Variants in MAGI2 observed in about 807,000 individuals in gnomAD.
The protein encoded by MAGI2 is membrane associated guanylate kinase, WW and PDZ domain containing 2.
In MAGI2, 35 loss-of-function variants were observed where a neutral mutation model predicts 133.3. The observed-to-expected ratio is 0.26, with a 90% CI of 0.20 to 0.35. The LOEUF (loss-of-function observed/expected upper bound fraction) is 0.35. Among genes scored for constraint, MAGI2 ranks in the 10% least tolerant of loss-of-function variants. The pLI is 1.00. For synonymous variants in MAGI2, 729 were observed against 710.6 expected (o/e 1.03, Z -0.41); for missense variants, 1,636 against 1,863.4 (o/e 0.88, Z 2.25).
chr7:78,954,094 G>T (rs561166142), intron 2 of MAGI2, among the ~76,000 whole-genome samples: 1 of 151,872 alleles, frequency 6.6e-6, no homozygotes, highest in South Asian at 2.1e-4. Flanking sequence ...TTTAAGGTTC[G>T]CCTTTGTCAT....
intron 6 of MAGI2, among the ~76,000 whole-genome samples, chr7:78,444,480 G>C (rs1176947116): frequency 6.6e-6 from 1 of 151,840 alleles, no homozygotes; most frequent in Non-Finnish European, 1.5e-5. Flanking sequence ...GCTCTGGCTG[G>C]GCAGAAAAAG....
intron 21 of MAGI2, among the ~76,000 whole-genome samples, chr7:78,055,260 A>G (rs954778107): frequency 6.6e-6 from 1 of 152,236 alleles, no homozygotes; most frequent in Non-Finnish European, 1.5e-5. Flanking sequence ...GCAAAAAGAA[A>G]GCCATGATCT....
chr7:78,328,110 C>T (rs990363235), intron 9 of MAGI2, among the ~76,000 whole-genome samples: 2 of 152,150 alleles, frequency 1.3e-5, no homozygotes, highest in African/African-American at 4.8e-5. Flanking sequence ...AAACTGCCTC[C>T]ACTTGCCTCT....
intron 7 of MAGI2, 48 bp from the exon 8 acceptor site, chr7:78,346,091 T>G (rs1228715102): frequency 6.2e-7 from 1 of 1,606,584 alleles, no homozygotes; most frequent in Non-Finnish European, 8.5e-7. Flanking sequence ...CAAAGTTATT[T>G]AAAAGACCAT....
At chr7:78,268,778 T>G (rs924676227) in intron 9 of MAGI2, among the ~76,000 whole-genome samples, 1 of 152,196 alleles carries the variant, frequency 6.6e-6, no homozygotes, top group Non-Finnish European at 1.5e-5. Flanking sequence ...TATTACATAA[T>G]GTAAACATAG....
intron 2 of MAGI2, among the ~76,000 whole-genome samples, chr7:78,879,295 T>C (rs1469100763): frequency 1.3e-5 from 2 of 152,178 alleles, no homozygotes; most frequent in African/African-American, 4.8e-5. Flanking sequence ...GTGCACTACA[T>C]GGATCAGCCC....
intron 2 of MAGI2, among the ~76,000 whole-genome samples, chr7:78,984,218 C>G (rs1162810637): frequency 2.0e-5 from 3 of 152,006 alleles, no homozygotes; most frequent in African/African-American, 7.2e-5. Flanking sequence ...CCGCCATCCT[C>G]TCTGCTTACA....
chr7:78,323,717 T>TA (rs1788254189), intron 9 of MAGI2, among the ~76,000 whole-genome samples: 1 of 152,354 alleles, frequency 6.6e-6, no homozygotes, highest in Admixed American at 6.5e-5. Context: ...CTTGTAATTC[T>TA]AAAATTGTGC....
intron 1 of MAGI2, among the ~76,000 whole-genome samples, chr7:79,397,578 A>C (rs544834370): frequency 2.0e-5 from 3 of 152,260 alleles, no homozygotes; most frequent in East Asian, 3.9e-4. Flanking sequence ...AGCACTGCAT[A>C]AGTGTACTGG....
At chr7:78,503,452 T>C (rs1794793512) in intron 4 of MAGI2, among the ~76,000 whole-genome samples, 1 of 151,892 alleles carries the variant, frequency 6.6e-6, no homozygotes, top group Admixed American at 6.6e-5. Context: ...AACTGGATCA[T>C]GGGGAAGGCT....
At chr7:79,358,885 G>C (rs1416371862) in intron 1 of MAGI2, among the ~76,000 whole-genome samples, 2 of 152,270 alleles carry the variant, frequency 1.3e-5, no homozygotes, top group East Asian at 3.9e-4. Context: ...GACCTAAGCA[G>C]GCTGACTTTC....
chr7:79,033,764 C>A (rs1257021485), intron 1 of MAGI2, among the ~76,000 whole-genome samples: 2 of 152,072 alleles, frequency 1.3e-5, no homozygotes, highest in South Asian at 4.1e-4. Flanking sequence ...AAGGGCGGGG[C>A]TTTTGGTCTT....
rs542982845 is a variant in MAGI2, at chr7:78,818,583, C to A, written c.418+188507G>T. Among the ~76,000 whole-genome samples the A allele has an allele frequency of 8.7e-4, 133 of 152,218 alleles. 1 individual carries two copies. The East Asian group carries it at 0.011, about 12-fold the overall frequency. On this transcript the variant is annotated intron_variant, in intron 2 of 21. Transcript: ENST00000354212. ...TTAATGCTATTTTCCTCATATTACA[C>A]AAATTATTCTTGAAGTAAGGAAAAA...
chr7:78,298,405 T>G (rs2151065525), intron 9 of MAGI2, among the ~76,000 whole-genome samples: 1 of 152,310 alleles, frequency 6.6e-6, no homozygotes, highest in East Asian at 1.9e-4. Flanking sequence ...GTTGGTTCAT[T>G]AAGGGTAACA....
chr7:78,490,961 G>C (rs150322729), intron 5 of MAGI2, among the ~76,000 whole-genome samples: 320 of 152,148 alleles, frequency 2.1e-3, no homozygotes, highest in Non-Finnish European at 4.0e-3. Context: ...GAATAGAAGA[G>C]AGGATGGAAA....
chr7:78,702,744 G>A (rs1305536668), intron 2 of MAGI2, among the ~76,000 whole-genome samples: 1 of 151,934 alleles, frequency 6.6e-6, no homozygotes, highest in Non-Finnish European at 1.5e-5. Context: ...ATAAATTCCA[G>A]GAGCATTTAT....
intron 1 of MAGI2, among the ~76,000 whole-genome samples, chr7:79,027,297 C>A (rs1809994605): frequency 6.6e-6 from 1 of 151,428 alleles, no homozygotes; most frequent in South Asian, 2.1e-4. Flanking sequence ...CCTAAGTGTT[C>A]ATCAACAGGT....
intron 12 of MAGI2, among the ~76,000 whole-genome samples, chr7:78,186,332 C>G (rs1048737324): frequency 6.6e-6 from 1 of 152,100 alleles, no homozygotes; most frequent in African/African-American, 2.4e-5. Flanking sequence ...GAACCTAGAA[C>G]AACCTGGTTG....
chr7:79,132,490 G>A (rs1821022073), intron 1 of MAGI2, among the ~76,000 whole-genome samples: 1 of 152,074 alleles, frequency 6.6e-6, no homozygotes, highest in South Asian at 2.1e-4. Flanking sequence ...TTTAATAGGT[G>A]AGTAGTACTC....
Sources: allele counts gnomAD v4.1 joint callset (sites outside exome capture counted in the v4.1 genomes callset), GRCh38; gene constraint gnomAD v4.1.1; transcripts MANE v1.5; gene names NCBI Gene and HGNC (gene_info 2026-07-23, HGNC 2026-07-21).